LIPI: variants seen among roughly 807,000 people sequenced by gnomAD.
LIPI encodes the protein lipase I.
LIPI carries 59 observed loss-of-function variants against 50.6 expected under a neutral mutation model. The ratio of observed to expected loss-of-function variants is 1.16; its 90% confidence interval spans 0.94 to 1.45. LIPI has a LOEUF of 1.45. Among genes scored for constraint, LIPI ranks in the 40% most tolerant of loss-of-function variants. LIPI has a pLI of 0.00. For synonymous variants in LIPI, 203 were observed against 178.2 expected (o/e 1.14, Z -1.11); for missense variants, 586 against 536.3 (o/e 1.09, Z -0.92).
At chr21:14,202,151 A>C (rs1268475929) in intron 1 of LIPI, among the ~76,000 whole-genome samples, 2 of 152,220 alleles carry the variant, frequency 1.3e-5, no homozygotes, top group Non-Finnish European at 2.9e-5. Context: ...CTTCAAGAAG[A>C]ACTACAAACC....
At chr21:14,125,992 C>T (rs918483122) in intron 9 of LIPI, among the ~76,000 whole-genome samples, 4 of 151,800 alleles carry the variant, frequency 2.6e-5, no homozygotes, top group South Asian at 2.1e-4. Flanking sequence ...GATACCTCTA[C>T]ACACCTACTA....
Position 14,199,471 on chromosome 21 carries a change from TC to T in LIPI, c.47-10053del, listed in dbSNP as rs1263791777. 9.9e-5 allele frequency among the ~76,000 whole-genome samples: 15 copies of T among 151,738 alleles called. No individual in the cohort carries two copies. In the Admixed American group the frequency reaches 9.9e-4, roughly 10 times the overall value. ...AATATTATGGACACTTCTATGCATA[TC>T]AACCAGAAAATCTAGAAGAAATTGA... On this transcript the variant is annotated intron_variant, in intron 1 of 9. Coordinates refer to ENST00000681601, the MANE Select transcript of LIPI (RefSeq NM_001302998.2).
intron 9 of LIPI, among the ~76,000 whole-genome samples, chr21:14,130,607 A>G (rs2017256230): frequency 6.6e-6 from 1 of 152,186 alleles, no homozygotes; most frequent in South Asian, 2.1e-4. Flanking sequence ...TCTGGTCACA[A>G]GCCCACACCT....
chr21:14,161,062 A>T (rs1012973422), intron 7 of LIPI, among the ~76,000 whole-genome samples: 41 of 151,372 alleles, frequency 2.7e-4, no homozygotes, highest in Non-Finnish European at 5.3e-4. Context: ...AAAAAATGTT[A>T]AATTTTTTCA....
intron 1 of LIPI, among the ~76,000 whole-genome samples, chr21:14,207,892 G>A (rs976421610): frequency 6.6e-6 from 1 of 152,196 alleles, no homozygotes; most frequent in African/African-American, 2.4e-5. Context: ...ACAATAGAGT[G>A]AGATAGTATT....
intron 9 of LIPI, among the ~76,000 whole-genome samples, chr21:14,134,239 A>G (rs2017408064): frequency 6.6e-6 from 1 of 152,036 alleles, no homozygotes; most frequent in Non-Finnish European, 1.5e-5. Flanking sequence ...AAAAAAACAA[A>G]ACAAAAACAA....
intron 7 of LIPI, among the ~76,000 whole-genome samples, chr21:14,153,965 G>A (rs2018188405): frequency 6.6e-6 from 1 of 152,106 alleles, no homozygotes. Flanking sequence ...ACATTAAAAT[G>A]CTTCAGGATT....
chr21:14,129,809 T>TA (rs199899861), intron 9 of LIPI, among the ~76,000 whole-genome samples: 91 of 136,436 alleles, frequency 6.7e-4, no homozygotes, highest in South Asian at 2.1e-3. Context: ...TTTTTTTTTT[T>TA]AAAAAAAAAA....
chr21:14,119,788 T>C (rs1408140172), intron 9 of LIPI, among the ~76,000 whole-genome samples: 1 of 152,196 alleles, frequency 6.6e-6, no homozygotes, highest in African/African-American at 2.4e-5. Flanking sequence ...AGCATATTTG[T>C]CCAAGCAACT....
At chr21:14,134,122 T>G (rs1162333090) in intron 9 of LIPI, among the ~76,000 whole-genome samples, 2 of 152,078 alleles carry the variant, frequency 1.3e-5, no homozygotes, top group African/African-American at 4.8e-5. Context: ...TCCCAGCTAC[T>G]TGGGAGGCTG....
At chr21:14,191,197 T>C (rs1196020738) in intron 1 of LIPI, among the ~76,000 whole-genome samples, 1 of 151,170 alleles carries the variant, frequency 6.6e-6, no homozygotes, top group African/African-American at 2.4e-5. Context: ...GCTAAAACGG[T>C]GAAACCCCGT....
intron 7 of LIPI, among the ~76,000 whole-genome samples, chr21:14,157,986 C>A (rs2018330967): frequency 6.6e-6 from 1 of 151,686 alleles, no homozygotes; most frequent in African/African-American, 2.4e-5. Context: ...GTACTTATAT[C>A]CAGAGCTGTA....
chr21:14,138,197 T>C (rs574281490), intron 9 of LIPI, among the ~76,000 whole-genome samples: 3 of 142,738 alleles, frequency 2.1e-5, no homozygotes, highest in South Asian at 4.6e-4. Flanking sequence ...CCCCTAAACA[T>C]AGATAAAAAA....
chr21:14,208,943 C>T (rs1302294738), intron 1 of LIPI, among the ~76,000 whole-genome samples: 2 of 152,030 alleles, frequency 1.3e-5, no homozygotes, highest in Non-Finnish European at 2.9e-5. Context: ...CCCAGCTACC[C>T]TGCAAGCTGA....
At chr21:14,204,894 T>C (rs554829800) in intron 1 of LIPI, among the ~76,000 whole-genome samples, 20 of 151,922 alleles carry the variant, frequency 1.3e-4, no homozygotes, top group African/African-American at 4.6e-4. Context: ...AGGAAGCCAA[T>C]AGATTTCATA....
intron 9 of LIPI, among the ~76,000 whole-genome samples, chr21:14,136,752 G>A (rs1348636179): frequency 1.3e-5 from 2 of 152,228 alleles, no homozygotes; most frequent in East Asian, 3.9e-4. Context: ...AGTTACAGTA[G>A]GTCTTGGGCA....
chr21:14,111,276 G>A (rs912918738), intron 9 of LIPI, among the ~76,000 whole-genome samples: 6 of 151,848 alleles, frequency 4.0e-5, no homozygotes, highest in African/African-American at 1.2e-4. Flanking sequence ...TATGGTAATA[G>A]CCATTCTAAC....
chr21:14,156,411 T>A (rs1205014419), intron 7 of LIPI, among the ~76,000 whole-genome samples: 1 of 151,828 alleles, frequency 6.6e-6, no homozygotes, highest in Non-Finnish European at 1.5e-5. Context: ...CTAATGTGAA[T>A]GAAAAGGCCA....
At chr21:14,154,279 G>C (rs144725138) in intron 7 of LIPI, among the ~76,000 whole-genome samples, 2 of 152,018 alleles carry the variant, frequency 1.3e-5, no homozygotes, top group Admixed American at 6.6e-5. Flanking sequence ...AAGAGAAGTC[G>C]TATTTTCAAT....
Sources: allele counts gnomAD v4.1 joint callset (sites outside exome capture counted in the v4.1 genomes callset), GRCh38; gene constraint gnomAD v4.1.1; transcripts MANE v1.5; gene names NCBI Gene and HGNC (gene_info 2026-07-23, HGNC 2026-07-21).